Variants in PCDHGA3 observed in about 807,000 individuals in gnomAD.
PCDHGA3 encodes protocadherin gamma subfamily A, 3.
PCDHGA3 carries 40 observed loss-of-function variants against 58.5 expected under a neutral mutation model. That is an observed-to-expected ratio of 0.68 (90% confidence interval 0.53 to 0.89). The LOEUF (loss-of-function observed/expected upper bound fraction) is 0.89. Ranked by LOEUF, PCDHGA3 falls within the 40% of genes least tolerant of loss-of-function variation. The pLI is 0.00. For missense variants in PCDHGA3, 1,223 were observed against 1,195.9 expected (o/e 1.02, Z -0.33); for synonymous variants, 530 against 525.7 (o/e 1.01, Z -0.11).
intron 1 of PCDHGA3, among the ~76,000 whole-genome samples, chr5:141,443,035 CTT>C (rs2098359592): frequency 6.6e-6 from 1 of 152,208 alleles, no homozygotes; most frequent in African/African-American, 2.4e-5. Context: ...CAGACCTAAA[CTT>C]TGAAAATTAT....
chr5:141,366,073 C>A (rs766163319), intron 1 of PCDHGA3: 1 of 1,614,234 alleles, frequency 6.2e-7, no homozygotes, highest in South Asian at 1.1e-5. Flanking sequence ...CGCCTCGCTC[C>A]GCAGAACCTG....
At chr5:141,378,725 T>C (rs999480102) in intron 1 of PCDHGA3, 1 of 152,206 alleles carries the variant, frequency 6.6e-6, no homozygotes, top group Admixed American at 6.5e-5. Flanking sequence ...ATAGGAACTC[T>C]TTATTGAAAT....
Position 141,487,779 on chromosome 5 carries a change from T to C in PCDHGA3, c.2425-7028T>C, listed in dbSNP as rs1269811316. On this transcript the variant is annotated intron_variant, in intron 1 of 3. Coordinates refer to ENST00000253812, the MANE Select transcript of PCDHGA3 (RefSeq NM_018916.4). This position sits in a 1 kb window ranked among gnomAD's most constrained non-coding sequence, Gnocchi z 5.0. ...GTAGACGCTGTGCTTTGTAACTGTT[T>C]CGTGAATTAACCAGAGTTGTCACAG... is the stretch of plus-strand genomic sequence containing the variant. 2.6e-6 allele frequency: 4 copies of C among 1,530,492 alleles called. No individual in the cohort carries two copies. The highest frequency in any genetic ancestry group is 2.6e-6 in the Non-Finnish European group (3 of 1,133,212). The allele number at this position is 1,530,492 out of a possible 1,614,324, so 94.8% of individuals were successfully genotyped here. A position where few individuals can be genotyped will look rare whatever the true frequency, so the allele number is the denominator to read the frequency against.
At chr5:141,418,050 G>T in intron 1 of PCDHGA3, 1 of 1,613,576 alleles carries the variant, frequency 6.2e-7, no homozygotes, top group Non-Finnish European at 8.5e-7. Context: ...GTGTCGGCTC[G>T]CGAGCTGCGA....
intron 1 of PCDHGA3, chr5:141,389,177 C>G: frequency 1.2e-6 from 2 of 1,614,052 alleles, no homozygotes; most frequent in Non-Finnish European, 1.7e-6. Flanking sequence ...CTCCCCTCTC[C>G]TCCAGTTCCA....
chr5:141,350,416 G>A (rs779298744), intron 1 of PCDHGA3: 37 of 1,606,260 alleles, frequency 2.3e-5, no homozygotes, highest in Non-Finnish European at 2.6e-5. Flanking sequence ...CCAAGGATCT[G>A]GGGCTCAGTG....
intron 1 of PCDHGA3, chr5:141,392,827 A>G: frequency 2.5e-6 from 4 of 1,601,944 alleles, no homozygotes; most frequent in Non-Finnish European, 3.4e-6. Flanking sequence ...GCCGCTCCAC[A>G]GAGTCGCCCC....
Position 141,489,245 on chromosome 5 carries a change from G to A in PCDHGA3, c.2425-5562G>A, listed in dbSNP as rs773391205. 3 of 1,536,634 alleles carry A rather than the reference G, an allele frequency of 2.0e-6. No homozygotes were observed. The South Asian group carries it at 3.9e-5, about 20-fold the overall frequency. On this transcript the variant is annotated intron_variant, in intron 1 of 3. Transcript: ENST00000253812. The surrounding 1 kb of genome is among the most constrained non-coding windows in gnomAD (Gnocchi z 4.5). The stretch of plus-strand genomic sequence containing the variant: ...CCACAAAGGGACTTCTGGGTCATGG[G>A]GCCCAAGACACTCCCACAGCTCGCT...
chr5:141,409,882 G>A, intron 1 of PCDHGA3: 1 of 1,613,006 alleles, frequency 6.2e-7, no homozygotes, highest in Non-Finnish European at 8.5e-7. Context: ...ACAACGCACC[G>A]CGGGTGCTGT....
chr5:141,422,409 A>G, intron 1 of PCDHGA3: 1 of 1,601,728 alleles, frequency 6.2e-7, no homozygotes. Flanking sequence ...TGCCTTTTAA[A>G]TTAGAAAAGA....
intron 3 of PCDHGA3, among the ~76,000 whole-genome samples, chr5:141,506,282 C>G (rs1422321122): frequency 6.6e-6 from 1 of 152,040 alleles, no homozygotes; most frequent in East Asian, 1.9e-4. Flanking sequence ...AACCCTGTCT[C>G]TACTAAAAAT....
chr5:141,444,238 C>T (rs1011385887), intron 1 of PCDHGA3, among the ~76,000 whole-genome samples: 6 of 125,052 alleles, frequency 4.8e-5, no homozygotes, highest in Non-Finnish European at 9.4e-5. Context: ...ATGGCATGCT[C>T]TCGGCTCACT....
At chr5:141,433,343 G>A (rs1591274674) in intron 1 of PCDHGA3, 1 of 630,308 alleles carries the variant, frequency 1.6e-6, no homozygotes, top group Admixed American at 3.0e-5. Flanking sequence ...ACAGGTGCAA[G>A]CCACCTACTG....
intron 1 of PCDHGA3, chr5:141,416,834 C>T (rs966016844): frequency 4.6e-5 from 7 of 151,848 alleles, no homozygotes; most frequent in Non-Finnish European, 1.0e-4. Flanking sequence ...TTCTCAAGAC[C>T]CTTATAATTC....
intron 1 of PCDHGA3, chr5:141,371,393 A>G (rs1227716102): frequency 5.6e-6 from 9 of 1,613,910 alleles, no homozygotes; most frequent in Admixed American, 5.0e-5. Flanking sequence ...ATTGTAAAGT[A>G]CAGATAGATA....
At chr5:141,414,949 G>C (rs774769957) in intron 1 of PCDHGA3, 13 of 1,613,978 alleles carry the variant, frequency 8.1e-6, no homozygotes, top group African/African-American at 1.3e-5. Context: ...CGGCTACCTG[G>C]TGACCAAGGT....
intron 1 of PCDHGA3, chr5:141,428,064 G>A: frequency 6.2e-7 from 1 of 1,609,060 alleles, no homozygotes; most frequent in East Asian, 2.2e-5. Flanking sequence ...GGCGGTGGAC[G>A]CAGATTCGGG....
intron 1 of PCDHGA3, among the ~76,000 whole-genome samples, chr5:141,406,668 G>A (rs1415631899): frequency 3.3e-5 from 5 of 152,122 alleles, no homozygotes; most frequent in African/African-American, 7.2e-5. Flanking sequence ...TTAAATTATG[G>A]AGAATAGTAG....
At chr5:141,510,785 C>G (rs951225541) in intron 3 of PCDHGA3, among the ~76,000 whole-genome samples, 162 bp from the exon 4 acceptor site, 1 of 152,150 alleles carries the variant, frequency 6.6e-6, no homozygotes, top group Non-Finnish European at 1.5e-5. Flanking sequence ...ACCCTCAACT[C>G]TTGTGAAGAG....
Sources: allele counts gnomAD v4.1 joint callset (sites outside exome capture counted in the v4.1 genomes callset), GRCh38; gene constraint gnomAD v4.1.1; non-coding constraint Gnocchi (gnomAD v3.1); transcripts MANE v1.5; gene names NCBI Gene and HGNC (gene_info 2026-07-23, HGNC 2026-07-21).